Variants in UBE4B observed in about 807,000 individuals in gnomAD.
UBE4B encodes ubiquitin conjugation factor E4 B.
In UBE4B, 27 loss-of-function variants were observed where a neutral mutation model predicts 148.1. The observed-to-expected ratio is 0.18, with a 90% CI of 0.13 to 0.25. The LOEUF is 0.25. Ranked by LOEUF, UBE4B falls within the 10% of genes least tolerant of loss-of-function variation. The pLI is 1.00. For missense variants in UBE4B, 1,170 were observed against 1,662.4 expected, an observed-to-expected ratio of 0.70 and a Z score of 5.15; for synonymous variants, 596 against 619.3, an observed-to-expected ratio of 0.96 and a Z score of 0.56.
chr1:10,139,197 G>C (rs1475403667), intron 17 of UBE4B, among the ~76,000 whole-genome samples: 1 of 152,192 alleles, frequency 6.6e-6, no homozygotes, highest in East Asian at 1.9e-4. Flanking sequence ...GGAGTTGGAT[G>C]CTAGCCTGGC....
At position 10,033,640 on chromosome 1, in the gene UBE4B, C is replaced by T. The variant is rs768123098; in HGVS notation, c.-31C>T. On this transcript the variant is annotated 5_prime_UTR_variant, in exon 1 of 28. Coordinates refer to ENST00000343090, the MANE Select transcript of UBE4B (RefSeq NM_001105562.3). Reference sequence around the variant, plus strand: ...GGTCTCGAGAACAGAAGGATCTCTCCTTAACGCCTTTCACCATTAAGAGGA... The same window carrying T: ...GGTCTCGAGAACAGAAGGATCTCTCTTTAACGCCTTTCACCATTAAGAGGA... The T allele has an allele frequency of 6.4e-7, 1 of 1,555,170 alleles. No individual in the cohort carries two copies. The highest frequency in any genetic ancestry group is 1.9e-5 in the Admixed American group (1 of 51,498).
rs750229834 is a variant in UBE4B at position 10,106,368 on chromosome 1, C to A, written c.981C>A (p.Ser327=). ...CTGCTGCGGGAAGCCAGCCTTCATCCCCGCGGTATCGCCCCTACACTGTCA... is the reference window on the plus strand; with the variant it reads ...CTGCTGCGGGAAGCCAGCCTTCATCACCGCGGTATCGCCCCTACACTGTCA... ...SGTAAGSQPS[S]PRYRPYTVTH... The change falls in exon 7 of 28, where the codon TCC becomes TCA. Residue 327 remains serine (S), a synonymous_variant. Coordinates refer to ENST00000343090, the MANE Select transcript of UBE4B (RefSeq NM_001105562.3). The surrounding 1 kb of genome is among the most constrained non-coding windows in gnomAD (Gnocchi z 4.2). 6.2e-7 allele frequency: 1 copy of A among 1,613,822 alleles called. No individual in the cohort carries two copies. The highest frequency in any genetic ancestry group is 2.2e-5 in the East Asian group (1 of 44,862).
intron 5 of UBE4B, among the ~76,000 whole-genome samples, chr1:10,105,249 T>C (rs982826192): frequency 2.0e-5 from 3 of 152,218 alleles, no homozygotes; most frequent in African/African-American, 7.2e-5. Flanking sequence ...TAGTTTCAGT[T>C]AGTGCAGGGA....
intron 4 of UBE4B, 151 bp from the exon 5 acceptor site, chr1:10,102,797 T>G: frequency 1.3e-6 from 1 of 753,812 alleles, no homozygotes; most frequent in Non-Finnish European, 2.0e-6. Context: ...GGAATAGGCT[T>G]ACTTTTCCCC....
At position 10,134,996 on chromosome 1, in the gene UBE4B, T is replaced by C. The variant is rs1162928257; in HGVS notation, c.2034T>C (p.Asp678=). 12 of 1,613,918 alleles carry C rather than the reference T, an allele frequency of 7.4e-6. No individual in the cohort carries two copies. Among genetic ancestry groups the C allele is most frequent in the Non-Finnish European group, 1.0e-5 (12 of 1,179,938 alleles). Residue 678 remains aspartate (D), a synonymous_variant, in exon 16 of 28, where the codon GAT becomes GAC. Coordinates refer to ENST00000343090, the MANE Select transcript of UBE4B (RefSeq NM_001105562.3). ...NMKKAQMQTD[D]RLVSTDGFML... Reference sequence around the variant, plus strand: ...CTTTTCAACTTTCACAGACAGATGATAGATTGGTGTCTACAGATGGATTTA... The same window carrying C: ...CTTTTCAACTTTCACAGACAGATGACAGATTGGTGTCTACAGATGGATTTA...
rs115641062 is a variant in UBE4B, at chr1:10,078,312, T to C, written c.211+6098T>C. ...ATGTGAGCCACCGTGCCTGGCTGAT[T>C]ATGCTACTTTTATATTTAAAATGTA... On this transcript the variant is annotated intron_variant, in intron 2 of 27. Coordinates refer to ENST00000343090, the MANE Select transcript of UBE4B (RefSeq NM_001105562.3). Among the ~76,000 whole-genome samples the C allele has an allele frequency of 4.8e-3, 734 of 152,274 alleles. 8 individuals are homozygous for C. Among genetic ancestry groups the C allele is most frequent in the African/African-American group, 0.017 (711 of 41,570 alleles).
At chr1:10,130,217 G>A (rs1023099570) in intron 12 of UBE4B, among the ~76,000 whole-genome samples, 1 of 152,104 alleles carries the variant, frequency 6.6e-6, no homozygotes, top group East Asian at 1.9e-4. Flanking sequence ...TGGGATTACA[G>A]GCGCACACCA....
In UBE4B at chr1:10,173,966, C is replaced by T. The variant is rs1346070972; in HGVS notation, c.3525+2637C>T. Among the ~76,000 whole-genome samples, 7 of 152,294 alleles carry T rather than the reference C, an allele frequency of 4.6e-5. No individual in the cohort carries two copies. The East Asian group carries it at 1.4e-3, about 29-fold the overall frequency. Reference sequence around the variant, plus strand: ...TTATGGTGGTGGCCTCTGGTGGCACCTGGCTTGGGTTGTAGACAGCAGTTT... The same window carrying T: ...TTATGGTGGTGGCCTCTGGTGGCACTTGGCTTGGGTTGTAGACAGCAGTTT... On this transcript the variant is annotated intron_variant, in intron 25 of 27. Transcript: ENST00000343090.
At chr1:10,086,367 C>G (rs188034006) in intron 2 of UBE4B, among the ~76,000 whole-genome samples, 11 of 152,230 alleles carry the variant, frequency 7.2e-5, no homozygotes, top group Admixed American at 5.9e-4. Flanking sequence ...CTTGGCCTCC[C>G]AAAGTGTTCA....
chr1:10,068,868 C>T (rs1475845116), intron 1 of UBE4B, among the ~76,000 whole-genome samples: 2 of 152,202 alleles, frequency 1.3e-5, no homozygotes, highest in Admixed American at 1.3e-4. Context: ...CTGCTGTGGG[C>T]AGCCCAGAAC....
chr1:10,171,075 G>A, intron 24 of UBE4B, 63 bp from the exon 25 acceptor site: 1 of 1,522,544 alleles, frequency 6.6e-7, no homozygotes, highest in South Asian at 1.3e-5. Flanking sequence ...TGAAATGGGA[G>A]TTTTTGGTCC....
intron 14 of UBE4B, among the ~76,000 whole-genome samples, chr1:10,131,759 T>C (rs1167256296): frequency 6.6e-6 from 1 of 152,086 alleles, no homozygotes; most frequent in African/African-American, 2.4e-5. Context: ...GAGACCAGCC[T>C]GACCAACATG....
At chr1:10,069,350 T>C (rs1178454150) in intron 1 of UBE4B, among the ~76,000 whole-genome samples, 4 of 152,196 alleles carry the variant, frequency 2.6e-5, no homozygotes, top group Admixed American at 2.6e-4. Flanking sequence ...TCAGACACTG[T>C]TCTAGGCACT....
intron 2 of UBE4B, among the ~76,000 whole-genome samples, chr1:10,088,328 A>T (rs1021949143): frequency 2.0e-5 from 3 of 152,170 alleles, no homozygotes; most frequent in African/African-American, 7.2e-5. Context: ...TTAAGATACC[A>T]TTGTTGTTCT....
chr1:10,101,331 G>T, intron 4 of UBE4B, 136 bp downstream of exon 4: 1 of 750,440 alleles, frequency 1.3e-6, no homozygotes, highest in Non-Finnish European at 2.1e-6. Context: ...ATTCTTTTGA[G>T]GAAAAATGAA....
chr1:10,049,576 C>T (rs1432317720), intron 1 of UBE4B, among the ~76,000 whole-genome samples: 1 of 144,950 alleles, frequency 6.9e-6, no homozygotes, highest in East Asian at 2.0e-4. Context: ...AAGACCTTTT[C>T]TCTAAAAAAA....
At position 10,158,433 on chromosome 1, in the gene UBE4B, A is replaced by T; in HGVS notation, c.3004A>T (p.Ser1002Cys). ...CTATCATATTAGCACCATTTTTAAA[A>T]GCCTTTGGCAAAACATAGCTCACCA... ...IRYHISTIFK[S>C]LWQNIAHHGT... The change falls in exon 22 of 28, where the codon AGC becomes TGC. Residue 1002 changes from serine to cysteine, a missense_variant. This residue lies in a region of UBE4B where 348 missense variants were observed against 627.2 expected (regional missense o/e 0.55). Transcript: ENST00000343090. The T allele has an allele frequency of 1.9e-6, 3 of 1,614,182 alleles. No homozygotes were observed. Among genetic ancestry groups the T allele is most frequent in the Non-Finnish European group, 2.5e-6 (3 of 1,180,028 alleles).
Position 10,132,429 on chromosome 1 carries a change from C to G in UBE4B, c.1972C>G (p.Leu658Val). 6.2e-7 allele frequency: 1 copy of G among 1,614,226 alleles called. No homozygotes were observed. The highest frequency in any genetic ancestry group is 8.5e-7 in the Non-Finnish European group (1 of 1,180,046). The stretch of plus-strand genomic sequence containing the variant: ...AAATGGCGAAACCCGTGAGGCTGCT[C>G]TCAGTTACATGGCGGCTGTCGTCAA... ...LLNGETREAA[L>V]SYMAAVVNAN... The change falls in exon 15 of 28, where the codon CTC (leucine) becomes GTC (valine). Residue 658 changes from leucine to valine, a missense_variant. By Grantham distance (32) the Leu-to-Val change is conservative. Around this residue, in one of 6 missense-constraint regions of UBE4B, gnomAD observed 388 missense variants for 536.0 expected, o/e 0.72. Transcript: ENST00000343090.
At chr1:10,151,116 TCGCGCCACTGCACTCCAGCCTGG>T (rs2101987669) in intron 20 of UBE4B, among the ~76,000 whole-genome samples, 187 bp from the exon 21 acceptor site, 1 of 151,106 alleles carries the variant, frequency 6.6e-6, no homozygotes, top group Non-Finnish European at 1.5e-5. Context: ...TGAGCCGAGA[TCGCGCCACTGCACTCCAGCCTGG>T]GCGACAGAGC....
Sources: allele counts gnomAD v4.1 joint callset (sites outside exome capture counted in the v4.1 genomes callset), GRCh38; gene constraint gnomAD v4.1.1; regional missense constraint gnomAD v4.1.1; non-coding constraint Gnocchi (gnomAD v3.1); transcripts MANE v1.5; gene names NCBI Gene and HGNC (gene_info 2026-07-23, HGNC 2026-07-21).